The following ZC2HC1B variants were observed in gnomAD, a reference collection of about 807,000 sequenced individuals.
The protein encoded by ZC2HC1B is zinc finger C2HC domain-containing protein 1B.
In ZC2HC1B, 36 loss-of-function variants were observed where a neutral mutation model predicts 31.0. That is an observed-to-expected ratio of 1.16 (90% confidence interval 0.89 to 1.54). The LOEUF is 1.54. ZC2HC1B is among the 40% of genes most tolerant of loss of function. ZC2HC1B has a pLI of 0.00. For synonymous variants in ZC2HC1B, 73 were observed against 88.0 expected (o/e 0.83, Z 0.95); for missense variants, 260 against 268.6 (o/e 0.97, Z 0.22).
chr6:143,883,796 G>A lies in ZC2HC1B; in HGVS notation c.29-508G>A, dbSNP rs1777498782. On this transcript the variant is annotated intron_variant, in intron 1 of 7. Transcript: ENST00000237275. This position sits in a 1 kb window ranked among gnomAD's most constrained non-coding sequence, Gnocchi z 4.1. ...GCCAATATCTATTTATCGAATGAAT[G>A]TTTCTATGTTAGAAATTCAATTCTT... 6.6e-6 allele frequency among the ~76,000 whole-genome samples: 1 copy of A among 152,064 alleles called. No individual in the cohort carries two copies. The highest frequency in any genetic ancestry group is 2.1e-4 in the South Asian group (1 of 4,832).
Position 143,937,658 on chromosome 6 carries a change from T to C in ZC2HC1B, c.608T>C (p.Met203Thr). The C allele has an allele frequency of 6.4e-7, 1 of 1,551,168 alleles. No homozygotes were observed. The change falls in exon 7 of 8, where the codon ATG (methionine) becomes ACG (threonine). Residue 203 changes from methionine to threonine, a missense_variant. Met to Thr is a moderately conservative substitution (Grantham distance 81). Coordinates refer to ENST00000237275, the MANE Select transcript of ZC2HC1B (RefSeq NM_001013623.3). Reference sequence around the variant, plus strand: ...GTTTATGTTTGCAAAGGATTAGCTATGGACCCTGCTTCTGGAGCAAAACTC... The same window carrying C: ...GTTTATGTTTGCAAAGGATTAGCTACGGACCCTGCTTCTGGAGCAAAACTC... ...NEVPTKSGLA[M>T]DPASGAKLRQ... is the part of the protein sequence containing the mutation.
intron 4 of ZC2HC1B, among the ~76,000 whole-genome samples, chr6:143,892,470 G>T (rs1777612192): frequency 6.6e-6 from 1 of 151,904 alleles, no homozygotes. Context: ...TAATTTTTTT[G>T]TATTTTTGGT....
At chr6:143,890,260 A>G (rs988798470) in intron 4 of ZC2HC1B, among the ~76,000 whole-genome samples, 3 of 152,104 alleles carry the variant, frequency 2.0e-5, no homozygotes, top group Non-Finnish European at 4.4e-5. Context: ...AGAGCAAATG[A>G]GACCTAAATT....
At chr6:143,906,687 T>C (rs2128495594) in intron 6 of ZC2HC1B, among the ~76,000 whole-genome samples, 1 of 152,176 alleles carries the variant, frequency 6.6e-6, no homozygotes, top group Non-Finnish European at 1.5e-5. Context: ...CAAGTGATCT[T>C]CCCGCCTTGG....
At position 143,871,568 on chromosome 6, in the gene ZC2HC1B, CCA is replaced by C. The variant is rs955524885; in HGVS notation, c.28+7003_28+7004del. Among the ~76,000 whole-genome samples, 7 of 152,146 alleles carry C rather than the reference CCA, an allele frequency of 4.6e-5. No homozygotes were observed. Among genetic ancestry groups the C allele is most frequent in the Non-Finnish European group, 7.4e-5 (5 of 68,024 alleles). ...ATCACTTGGTTAAGCTTATGATAAT[CCA>C]CTCTCATTCTTCCAGATCCATCTGT... On this transcript the variant is annotated intron_variant, in intron 1 of 7. Coordinates refer to ENST00000237275, the MANE Select transcript of ZC2HC1B (RefSeq NM_001013623.3). The surrounding 1 kb of genome is among the most constrained non-coding windows in gnomAD (Gnocchi z 4.1).
rs1562345493 is a variant in ZC2HC1B, at chr6:143,913,004, G to A, written c.598+9852G>A. ...GTGGATCAGGGTCTTGCTTAAAGAA[G>A]CAGTCTGGCCATACCTCAACAAAAC... On this transcript the variant is annotated intron_variant, in intron 6 of 7. Transcript: ENST00000237275. The surrounding 1 kb of genome is among the most constrained non-coding windows in gnomAD (Gnocchi z 5.7). Among the ~76,000 whole-genome samples the A allele has an allele frequency of 6.6e-6, 1 of 152,246 alleles. No individual in the cohort carries two copies. The highest frequency in any genetic ancestry group is 1.9e-4 in the East Asian group (1 of 5,208).
At position 143,913,658 on chromosome 6, in the gene ZC2HC1B, T is replaced by C. The variant is rs1777886023; in HGVS notation, c.598+10506T>C. Among the ~76,000 whole-genome samples, 1 of 152,224 alleles carries C rather than the reference T, an allele frequency of 6.6e-6. No homozygotes were observed. The highest frequency in any genetic ancestry group is 2.1e-4 in the South Asian group (1 of 4,832). ...TGCCAAGACTCTACCCAGTTCTATGTGACAGATCCAAGGCTCTGGTGGCAT... is the reference window on the plus strand; with the variant it reads ...TGCCAAGACTCTACCCAGTTCTATGCGACAGATCCAAGGCTCTGGTGGCAT... On this transcript the variant is annotated intron_variant, in intron 6 of 7. Coordinates refer to ENST00000237275, the MANE Select transcript of ZC2HC1B (RefSeq NM_001013623.3). The surrounding 1 kb of genome is among the most constrained non-coding windows in gnomAD (Gnocchi z 5.7).
chr6:143,873,187 G>A (rs1326023323), intron 1 of ZC2HC1B, among the ~76,000 whole-genome samples: 2 of 152,222 alleles, frequency 1.3e-5, no homozygotes, highest in African/African-American at 4.8e-5. Context: ...CCATGCAAAT[G>A]TGAAATCCAG....
chr6:143,928,427 T>A (rs1375884390), intron 6 of ZC2HC1B, among the ~76,000 whole-genome samples: 2 of 152,214 alleles, frequency 1.3e-5, no homozygotes, highest in Non-Finnish European at 2.9e-5. Flanking sequence ...GCTATAGGTA[T>A]GTGGCTTTAT....
chr6:143,920,001 G>GA lies in ZC2HC1B; in HGVS notation c.598+16858dup, dbSNP rs536176730. On this transcript the variant is annotated intron_variant, in intron 6 of 7. Coordinates refer to ENST00000237275, the MANE Select transcript of ZC2HC1B (RefSeq NM_001013623.3). ...TGAGGTAGATACTAGTTTTCAGTAA[G>GA]AAAAAAAAATTTAAATTGTATGTGT... Among the ~76,000 whole-genome samples the GA allele has an allele frequency of 7.8e-3, 1,173 of 151,346 alleles. 21 individuals carry two copies. Among genetic ancestry groups the GA allele is most frequent in the East Asian group, 0.051 (261 of 5,158 alleles).
chr6:143,926,769 T>C (rs1466773008), intron 6 of ZC2HC1B, among the ~76,000 whole-genome samples: 1 of 151,676 alleles, frequency 6.6e-6, no homozygotes, highest in Non-Finnish European at 1.5e-5. Flanking sequence ...CTAATAATAT[T>C]TGCTATATAT....
intron 6 of ZC2HC1B, among the ~76,000 whole-genome samples, chr6:143,925,547 T>C (rs1276570315): frequency 2.0e-5 from 3 of 148,996 alleles, no homozygotes; most frequent in East Asian, 2.0e-4. Context: ...TTTTTTTTTT[T>C]TTTTTTGAGA....
Position 143,898,535 on chromosome 6 carries a change from G to A in ZC2HC1B, c.350-17G>A. On this transcript the variant is annotated splice_polypyrimidine_tract_variant and intron_variant, in intron 4 of 7. Coordinates refer to ENST00000237275, the MANE Select transcript of ZC2HC1B (RefSeq NM_001013623.3). Reference sequence around the variant, plus strand: ...TTTGAAGTGCTAATTGCCATTTGTTGTTATCTTTACATTCAGATTATATTC... The same window carrying A: ...TTTGAAGTGCTAATTGCCATTTGTTATTATCTTTACATTCAGATTATATTC... The A allele has an allele frequency of 6.4e-7, 1 of 1,550,962 alleles. No homozygotes were observed. The highest frequency in any genetic ancestry group is 8.7e-7 in the Non-Finnish European group (1 of 1,146,492).
chr6:143,935,513 CT>C (rs954927318), intron 6 of ZC2HC1B, among the ~76,000 whole-genome samples: 5 of 150,512 alleles, frequency 3.3e-5, no homozygotes, highest in East Asian at 2.0e-4. Flanking sequence ...TCATAAGGGT[CT>C]TTTTTTTTCT....
In ZC2HC1B at chr6:143,883,508, A is replaced by T. The variant is rs1777494308; in HGVS notation, c.29-796A>T. Among the ~76,000 whole-genome samples, 1 of 152,184 alleles carries T rather than the reference A, an allele frequency of 6.6e-6. No individual in the cohort carries two copies. Among genetic ancestry groups the T allele is most frequent in the Admixed American group, 6.5e-5 (1 of 15,282 alleles). ...GAGTAAAGCCCAGATGACTGGTCTA[A>T]TATAAAGTCTATGCTCAGACCTCAA... On this transcript the variant is annotated intron_variant, in intron 1 of 7. Transcript: ENST00000237275. The surrounding 1 kb of genome is among the most constrained non-coding windows in gnomAD (Gnocchi z 4.1).
At chr6:143,875,234 C>T (rs984704421) in intron 1 of ZC2HC1B, among the ~76,000 whole-genome samples, 3 of 152,196 alleles carry the variant, frequency 2.0e-5, no homozygotes, top group Non-Finnish European at 2.9e-5. Flanking sequence ...TTCAGAGATG[C>T]AGGTGCTGCC....
At chr6:143,874,181 A>AT (rs1777380050) in intron 1 of ZC2HC1B, among the ~76,000 whole-genome samples, 3 of 151,704 alleles carry the variant, frequency 2.0e-5, no homozygotes, top group Admixed American at 2.0e-4. Flanking sequence ...AGTCTCTTTG[A>AT]TAAAAAATAA....
rs1321878140 is a variant in ZC2HC1B at position 143,868,806 on chromosome 6, C to A, written c.28+4239C>A. 6.6e-6 allele frequency among the ~76,000 whole-genome samples: 1 copy of A among 152,316 alleles called. No homozygotes were observed. Among genetic ancestry groups the A allele is most frequent in the Non-Finnish European group, 1.5e-5 (1 of 68,028 alleles). On this transcript the variant is annotated intron_variant, in intron 1 of 7. Coordinates refer to ENST00000237275, the MANE Select transcript of ZC2HC1B (RefSeq NM_001013623.3). This position sits in a 1 kb window ranked among gnomAD's most constrained non-coding sequence, Gnocchi z 4.2. The stretch of plus-strand genomic sequence containing the variant: ...TTAATACAACCAGAAATGCACCAAT[C>A]CCCAACCCAAATACTATTACATAAA...
At position 143,926,073 on chromosome 6, in the gene ZC2HC1B, T is replaced by G. The variant is rs554068256; in HGVS notation, c.599-11576T>G. ...TGTTTATCTTTTCAAAAAACTAACT[T>G]TTCATTCCATTGACCTTTGTATTTT... On this transcript the variant is annotated intron_variant, in intron 6 of 7. Coordinates refer to ENST00000237275, the MANE Select transcript of ZC2HC1B (RefSeq NM_001013623.3). 1.1e-4 allele frequency among the ~76,000 whole-genome samples: 16 copies of G among 152,302 alleles called. No individual in the cohort carries two copies. The Middle Eastern group carries it at 0.017, about 162-fold the overall frequency.
Sources: allele counts gnomAD v4.1 joint callset (sites outside exome capture counted in the v4.1 genomes callset), GRCh38; gene constraint gnomAD v4.1.1; non-coding constraint Gnocchi (gnomAD v3.1); transcripts MANE v1.5; gene names NCBI Gene and HGNC (gene_info 2026-07-23, HGNC 2026-07-21).